The following TRPA1 variants were observed in gnomAD, a reference collection of about 807,000 sequenced individuals.
TRPA1 encodes the protein transient receptor potential cation channel subfamily A member 1.
A neutral mutation model predicts 131.3 loss-of-function variants in TRPA1; 129 were observed. That is an observed-to-expected ratio of 0.98 (90% CI 0.85 to 1.14). The LOEUF is 1.14. Ranked by LOEUF, TRPA1 falls within the 50% of genes most tolerant of loss-of-function variation. The probability of loss-of-function intolerance (pLI) is 0.00; values close to 1 mark genes in which losing one functional copy is unlikely to be tolerated. For missense variants in TRPA1, 1,304 were observed against 1,354.2 expected, an observed-to-expected ratio of 0.96 and a Z score of 0.58; for synonymous variants, 441 against 451.7, an observed-to-expected ratio of 0.98 and a Z score of 0.30.
At chr8:72,069,348 A>G (rs1806004083) in intron 2 of TRPA1, 150 bp from the exon 3 acceptor site, 1 of 784,120 alleles carries the variant, frequency 1.3e-6, no homozygotes, top group Non-Finnish European at 2.1e-6. Context: ...TTCAGTTCTA[A>G]CGAAACATTT....
rs1468336224 is a variant in TRPA1, at chr8:72,055,310, A to G, written c.1529+126T>C. Reference sequence around the variant, plus strand: ...AAGTTACATATGTTTTGATGAAAAAATAAATTGGATAAAAGTACTTAGTGA... The same window carrying G: ...AAGTTACATATGTTTTGATGAAAAAGTAAATTGGATAAAAGTACTTAGTGA... On this transcript the variant is annotated intron_variant, in intron 12 of 26. Coordinates refer to ENST00000262209, the MANE Select transcript of TRPA1 (RefSeq NM_007332.3). 3 of 783,026 alleles carry G rather than the reference A, an allele frequency of 3.8e-6. No homozygotes were observed. The African/African-American group carries it at 5.3e-5, about 14-fold the overall frequency. 48.5% of individuals were successfully genotyped at this position (783,026 alleles called of 1,614,324 possible).
Position 72,069,791 on chromosome 8 carries a change from G to GGA in TRPA1, c.269-595_269-594dup, listed in dbSNP as rs139984689. Among the ~76,000 whole-genome samples the GGA allele has an allele frequency of 1.7e-3, 259 of 150,134 alleles. 2 individuals are homozygous for GGA. Among genetic ancestry groups the GGA allele is most frequent in the Non-Finnish European group, 2.6e-3 (174 of 67,278 alleles). ...TTCATATACCTACACACACACACAG[G>GGA]GAGAGAGAGAGAGAGAAGAGAACGA... On this transcript the variant is annotated intron_variant, in intron 2 of 26. Transcript: ENST00000262209.
At chr8:72,024,915 G>A (rs1190116856) in intron 25 of TRPA1, among the ~76,000 whole-genome samples, 1 of 152,092 alleles carries the variant, frequency 6.6e-6, no homozygotes, top group African/African-American at 2.4e-5. Context: ...ACTACACAGG[G>A]GAAATTAACC....
intron 26 of TRPA1, chr8:72,023,352 G>T (rs762391704): frequency 2.6e-4 from 152 of 578,120 alleles, no homozygotes; most frequent in Admixed American, 5.9e-4. Context: ...TTATAGGTAA[G>T]AAACTATTAT....
At chr8:72,060,940 G>A (rs185728811) in intron 7 of TRPA1, among the ~76,000 whole-genome samples, 1 of 150,932 alleles carries the variant, frequency 6.6e-6, no homozygotes, top group Non-Finnish European at 1.5e-5. Context: ...CTCTGACTGT[G>A]TGTGCTTGTG....
In TRPA1 at chr8:72,029,894, C is replaced by A. The variant is rs575305496; in HGVS notation, c.2937+7G>T. 50 of 1,613,650 alleles carry A rather than the reference C, an allele frequency of 3.1e-5. 1 individual carries two copies. The South Asian group carries it at 4.9e-4, about 16-fold the overall frequency. On this transcript the variant is annotated splice_region_variant and intron_variant, in intron 24 of 26. Coordinates refer to ENST00000262209, the MANE Select transcript of TRPA1 (RefSeq NM_007332.3). Reference sequence around the variant, plus strand: ...CACTGTAATAAGTGGGGAGGCACTGCACTTACCTGCATAGCTATCCTCTTC... The same window carrying A: ...CACTGTAATAAGTGGGGAGGCACTGAACTTACCTGCATAGCTATCCTCTTC...
rs76661313 is a variant in TRPA1, at chr8:72,061,551, C to A, written c.944+74G>T. On this transcript the variant is annotated intron_variant, in intron 7 of 26. Transcript: ENST00000262209. ...AAATCTTTGCTAGCATTAGTGCTAA[C>A]TGCTCCTTGCAATGTCTAATTTCAC... The A allele has an allele frequency of 1.8e-3, 2,777 of 1,568,414 alleles. 45 individuals are homozygous for A. The African/African-American group carries it at 0.033, about 19-fold the overall frequency.
intron 26 of TRPA1, 125 bp downstream of exon 26, chr8:72,023,689 C>T (rs2129432306): frequency 3.1e-6 from 2 of 652,278 alleles, no homozygotes; most frequent in African/African-American, 1.8e-5. Flanking sequence ...ACACTAGCTA[C>T]AGCTATCAAT....
intron 17 of TRPA1, among the ~76,000 whole-genome samples, chr8:72,046,154 T>A (rs1227709663): frequency 1.3e-5 from 2 of 151,988 alleles, no homozygotes; most frequent in African/African-American, 4.8e-5. Context: ...TGATTCTGGA[T>A]TGGAGCAGTT....
Position 72,057,768 on chromosome 8 carries a change from A to T in TRPA1, c.1042T>A (p.Leu348Ile). ...IDSEGRSPLI[L>I]ATASASWNIV... ...TTCCAAGATGCAGAAGCAGTTGCTA[A>T]TATAAGTGGAGAGCGTCCTTCAGAA... The change falls in exon 9 of 27, where the codon TTA (leucine) becomes ATA (isoleucine). Residue 348 changes from leucine to isoleucine, a missense_variant. By Grantham distance (5) the Leu-to-Ile change is conservative (BLOSUM62 2). Transcript: ENST00000262209. The T allele has an allele frequency of 6.2e-7, 1 of 1,614,006 alleles. No individual in the cohort carries two copies. Among genetic ancestry groups the T allele is most frequent in the Non-Finnish European group, 8.5e-7 (1 of 1,179,930 alleles).
At chr8:72,035,324 T>C (rs1192643542) in intron 21 of TRPA1, among the ~76,000 whole-genome samples, 1 of 152,174 alleles carries the variant, frequency 6.6e-6, no homozygotes, top group Non-Finnish European at 1.5e-5. Flanking sequence ...TAAATCCTAT[T>C]TCTGGGCCAC....
chr8:72,071,086 C>T (rs1187206901), intron 2 of TRPA1, among the ~76,000 whole-genome samples: 1 of 152,210 alleles, frequency 6.6e-6, no homozygotes, highest in Non-Finnish European at 1.5e-5. Context: ...TCTTGAACCT[C>T]TCCCTGTCTC....
chr8:72,080,716 A>AT, the TRPA1 span, among the ~76,000 whole-genome samples: 1 of 151,828 alleles, frequency 6.6e-6, no homozygotes, highest in South Asian at 2.1e-4. Flanking sequence ...TACTAATTCA[A>AT]TTTTTATCTT....
rs1216325318 is a variant in TRPA1 at position 72,052,739 on chromosome 8, C to T, written c.1671G>A (p.Arg557=). 3.7e-6 allele frequency: 6 copies of T among 1,613,214 alleles called. No homozygotes were observed. The highest frequency in any genetic ancestry group is 1.3e-5 in the African/African-American group (1 of 74,862). The change falls in exon 14 of 27, where the codon AGG becomes AGA. Residue 557 remains arginine, a synonymous_variant. Transcript: ENST00000262209. The stretch of plus-strand genomic sequence containing the variant: ...GCGCAACGGCTTTGGCGTGGCCTTC[C>T]CTTGCAGCAAAGTGAAGTGCAGTGT... ...DGNTALHFAA[R]EGHAKAVALL...
At chr8:72,031,102 T>C (rs1811797944) in intron 23 of TRPA1, among the ~76,000 whole-genome samples, 1 of 152,122 alleles carries the variant, frequency 6.6e-6, no homozygotes, top group African/African-American at 2.4e-5. Flanking sequence ...ACATAATAGG[T>C]AAACAAAACA....
chr8:72,077,663 T>C (rs912472629), upstream of TRPA1, among the ~76,000 whole-genome samples: 1 of 152,192 alleles, frequency 6.6e-6, no homozygotes, highest in Non-Finnish European at 1.5e-5. Flanking sequence ...CCCATGACTG[T>C]TTCTTCTTAA....
chr8:72,043,861 T>C (rs573870020), intron 17 of TRPA1, among the ~76,000 whole-genome samples: 44 of 151,970 alleles, frequency 2.9e-4, no homozygotes, highest in Admixed American at 7.2e-4. Flanking sequence ...TAAAAATCTT[T>C]TAGAAGCTTA....
intron 20 of TRPA1, among the ~76,000 whole-genome samples, chr8:72,037,582 A>G (rs1244080204): frequency 6.6e-6 from 1 of 152,152 alleles, no homozygotes; most frequent in Non-Finnish European, 1.5e-5. Flanking sequence ...GAATTCAAAG[A>G]AAGACCCATT....
chr8:72,055,705 G>C lies in TRPA1; in HGVS notation c.1345C>G (p.Pro449Ala). Reference protein sequence around the residue: ...IHSKSKDKKSPLHFAASYGRI... With the variant: ...IHSKSKDKKSALHFAASYGRI... ...CCTTACCTGGCTGCAAAATGCAGAG[G>C]TGATTTCTTATCTTTGCTTTTGGAA... The change falls in exon 11 of 27, where the codon CCT becomes GCT. Residue 449 changes from proline (P) to alanine (A), a missense_variant. Pro to Ala is a conservative substitution (Grantham distance 27). Coordinates refer to ENST00000262209, the MANE Select transcript of TRPA1 (RefSeq NM_007332.3). 1.2e-6 allele frequency: 2 copies of C among 1,613,594 alleles called. No homozygotes were observed. Among genetic ancestry groups the C allele is most frequent in the Non-Finnish European group, 8.5e-7 (1 of 1,179,694 alleles).
Sources: gnomAD v4.1 joint callset for allele counts (sites outside exome capture counted in the v4.1 genomes callset) on GRCh38, gnomAD v4.1.1 for gene constraint, MANE v1.5 for transcripts, NCBI Gene and HGNC (gene_info 2026-07-23, HGNC 2026-07-21) for gene names.